Variants in VPS13A observed in about 807,000 individuals in gnomAD.
VPS13A encodes intermembrane lipid transfer protein VPS13A.
Under a neutral mutation model 390.9 loss-of-function variants are expected in VPS13A, and 264 were observed. The ratio of observed to expected loss-of-function variants is 0.68; its 90% CI spans 0.61 to 0.75. The LOEUF (loss-of-function observed/expected upper bound fraction) is 0.75, where lower values mean the gene tolerates loss of function less well. Among genes scored for constraint, VPS13A ranks in the 30% least tolerant of loss-of-function variants. The pLI is 0.00. For missense variants in VPS13A, 3,409 were observed against 3,733.9 expected (o/e 0.91, Z 2.27); for synonymous variants, 1,231 against 1,227.1 (o/e 1.00, Z -0.07).
chr9:77,384,509 A>G, intron 68 of VPS13A: 2 of 1,587,314 alleles, frequency 1.3e-6, no homozygotes, highest in East Asian at 2.2e-5. Flanking sequence ...AACATTTCAT[A>G]ATCTTACATG....
chr9:77,222,218 G>C (rs748196696), intron 13 of VPS13A, among the ~76,000 whole-genome samples: 10 of 152,130 alleles, frequency 6.6e-5, no homozygotes, highest in Non-Finnish European at 1.3e-4. Flanking sequence ...CCTGGGCTTA[G>C]AGTCTTTGGG....
At chr9:77,333,665 G>A (rs2131486822) in intron 46 of VPS13A, among the ~76,000 whole-genome samples, 2 of 151,970 alleles carry the variant, frequency 1.3e-5, no homozygotes, top group African/African-American at 4.8e-5. Flanking sequence ...TTTTAATCTA[G>A]TACTTCAGTA....
intron 67 of VPS13A, among the ~76,000 whole-genome samples, chr9:77,380,254 C>CT (rs1833352613): frequency 6.6e-6 from 1 of 151,818 alleles, no homozygotes; most frequent in Non-Finnish European, 1.5e-5. Context: ...ATCAGGTCTC[C>CT]TGTGGATAGT....
rs989658858 is a variant in VPS13A at position 77,318,609 on chromosome 9, G to C, written c.5313+18G>C. On this transcript the variant is annotated intron_variant, in intron 41 of 71. Transcript: ENST00000360280. ...AGCTAGAAGTAAGCATATTTTTCCA[G>C]TTTTATAACAGATAATGATACGTAT... 3 of 1,563,196 alleles carry C rather than the reference G, an allele frequency of 1.9e-6. No homozygotes were observed. In the African/African-American group the frequency reaches 4.1e-5, roughly 21 times the overall value.
chr9:77,307,595 A>T (rs1377195173), intron 34 of VPS13A, among the ~76,000 whole-genome samples: 1 of 152,238 alleles, frequency 6.6e-6, no homozygotes, highest in Non-Finnish European at 1.5e-5. Context: ...TTTATTCTAC[A>T]TTTGTAAAAT....
At chr9:77,347,614 T>G (rs1336922940) in intron 52 of VPS13A, among the ~76,000 whole-genome samples, 9 of 152,114 alleles carry the variant, frequency 5.9e-5, no homozygotes, top group Admixed American at 5.9e-4. Flanking sequence ...GTAGCTGGGT[T>G]TACAGGCATG....
intron 52 of VPS13A, 105 bp from the exon 53 acceptor site, chr9:77,351,212 A>C (rs938226843): frequency 6.9e-7 from 1 of 1,450,876 alleles, no homozygotes; most frequent in Non-Finnish European, 9.6e-7. Flanking sequence ...CAGAACGATC[A>C]CAGATCTCAG....
chr9:77,379,899 C>A (rs1304058934), intron 67 of VPS13A, among the ~76,000 whole-genome samples: 1 of 151,982 alleles, frequency 6.6e-6, no homozygotes, highest in African/African-American at 2.4e-5. Flanking sequence ...TCTCTTTTTT[C>A]CTTGCTGATC....
intron 68 of VPS13A, among the ~76,000 whole-genome samples, chr9:77,400,331 GTCTA>G (rs1834323147): frequency 1.5e-5 from 2 of 134,860 alleles, no homozygotes; most frequent in South Asian, 4.8e-4. Flanking sequence ...TGCTAGAATT[GTCTA>G]TATTTTGAAA....
intron 10 of VPS13A, among the ~76,000 whole-genome samples, chr9:77,219,340 T>C (rs1823045787): frequency 6.6e-6 from 1 of 152,228 alleles, no homozygotes; most frequent in Non-Finnish European, 1.5e-5. Context: ...TAGCTTATAA[T>C]TTAATGATGG....
chr9:77,257,086 A>T (rs1284786982), intron 22 of VPS13A, among the ~76,000 whole-genome samples: 4 of 151,582 alleles, frequency 2.6e-5, no homozygotes, highest in Non-Finnish European at 4.4e-5. Context: ...TCCTCCTTTA[A>T]TGGTGCCCTT....
intron 71 of VPS13A, among the ~76,000 whole-genome samples, chr9:77,411,667 A>AAAAAAAAAAAAAAAAAAAG (rs1834933058): frequency 7.3e-6 from 1 of 136,598 alleles, no homozygotes; most frequent in Non-Finnish European, 1.5e-5. Flanking sequence ...TCTCAAAAAA[A>AAAAAAAAAAAAAAAAAAAG]AAAAAAAAAA....
chr9:77,354,692 A>G (rs1036357292), intron 54 of VPS13A, among the ~76,000 whole-genome samples: 1 of 152,150 alleles, frequency 6.6e-6, no homozygotes, highest in African/African-American at 2.4e-5. Context: ...CTAGATAACT[A>G]TTTTATACTT....
intron 71 of VPS13A, among the ~76,000 whole-genome samples, chr9:77,411,197 A>G (rs1303102011): frequency 6.6e-6 from 1 of 152,202 alleles, no homozygotes; most frequent in Non-Finnish European, 1.5e-5. Flanking sequence ...TACTGGGTAC[A>G]TAACGAAATG....
At chr9:77,198,746 C>T (rs1825150318) in intron 1 of VPS13A, among the ~76,000 whole-genome samples, 1 of 152,108 alleles carries the variant, frequency 6.6e-6, no homozygotes, top group Admixed American at 6.5e-5. Flanking sequence ...TCACTGCAAC[C>T]TCCGCCTCCT....
intron 1 of VPS13A, among the ~76,000 whole-genome samples, chr9:77,194,806 C>A (rs896036280): frequency 2.0e-5 from 3 of 152,006 alleles, no homozygotes; most frequent in Non-Finnish European, 4.4e-5. Context: ...ACTCTCAGTG[C>A]CTTCCTTCCA....
chr9:77,228,685 C>T (rs72742593), intron 17 of VPS13A, among the ~76,000 whole-genome samples: 11,877 of 152,100 alleles, frequency 0.078, 576 homozygotes, highest in East Asian at 0.12. Flanking sequence ...AGCTGTACAA[C>T]CACCAGCACT....
At chr9:77,375,067 G>A (rs373988534) in intron 67 of VPS13A, among the ~76,000 whole-genome samples, 1 of 152,100 alleles carries the variant, frequency 6.6e-6, no homozygotes, top group Non-Finnish European at 1.5e-5. Context: ...TAAATATAAT[G>A]TGTTGAGTCG....
At chr9:77,257,468 T>C (rs1008517161) in intron 22 of VPS13A, among the ~76,000 whole-genome samples, 2 of 152,096 alleles carry the variant, frequency 1.3e-5, no homozygotes, top group Non-Finnish European at 2.9e-5. Flanking sequence ...TATTTAAGAT[T>C]GAGGCAGGTT....
Sources: allele counts gnomAD v4.1 joint callset (sites outside exome capture counted in the v4.1 genomes callset), GRCh38; gene constraint gnomAD v4.1.1; transcripts MANE v1.5; gene names NCBI Gene and HGNC (gene_info 2026-07-23, HGNC 2026-07-21).